DCC: variants seen among roughly 807,000 people sequenced by gnomAD.
The protein encoded by DCC is netrin receptor DCC.
DCC carries 58 observed loss-of-function variants against 172.5 expected under a neutral mutation model. That is an observed-to-expected ratio of 0.34 (90% CI 0.27 to 0.42). DCC has a LOEUF of 0.42. Among genes scored for constraint, DCC ranks in the 10% least tolerant of loss-of-function variants. The pLI is 1.00. For missense variants in DCC, 1,740 were observed against 1,791.0 expected, an observed-to-expected ratio of 0.97 and a Z score of 0.51; for synonymous variants, 709 against 644.5, an observed-to-expected ratio of 1.10 and a Z score of -1.52.
intron 12 of DCC, among the ~76,000 whole-genome samples, chr18:53,218,957 A>G (rs1034151589): frequency 1.3e-5 from 2 of 152,152 alleles, no homozygotes; most frequent in East Asian, 1.9e-4. Context: ...CTATGTTTCA[A>G]TCTAAAAGTT....
chr18:52,526,947 C>A (rs1256570668), intron 1 of DCC, among the ~76,000 whole-genome samples: 1 of 152,166 alleles, frequency 6.6e-6, no homozygotes, highest in Admixed American at 6.5e-5. Context: ...CTTCAGAATA[C>A]AATCTACAGG....
intron 3 of DCC, among the ~76,000 whole-genome samples, chr18:52,916,852 A>G (rs1211414932): frequency 6.6e-6 from 1 of 152,194 alleles, no homozygotes; most frequent in Non-Finnish European, 1.5e-5. Context: ...ATGTCAATGC[A>G]GAAAGTATTT....
At chr18:52,951,047 A>G (rs573229313) in intron 5 of DCC, among the ~76,000 whole-genome samples, 17 of 140,432 alleles carry the variant, frequency 1.2e-4, no homozygotes, top group Middle Eastern at 8.5e-3. Flanking sequence ...CCAGATTTTT[A>G]TTCCAAAGCA....
chr18:52,807,191 C>T (rs80352508), intron 2 of DCC, among the ~76,000 whole-genome samples: 4 of 152,004 alleles, frequency 2.6e-5, no homozygotes, highest in African/African-American at 9.7e-5. Flanking sequence ...GAGACTGTCT[C>T]AAAAAAATTC....
chr18:52,736,449 T>A (rs894634948), intron 1 of DCC, among the ~76,000 whole-genome samples: 19 of 152,054 alleles, frequency 1.2e-4, no homozygotes, highest in Non-Finnish European at 2.5e-4. Flanking sequence ...TATAAGTGAC[T>A]TTGATAATTA....
At chr18:52,990,652 C>G (rs1251804427) in intron 5 of DCC, among the ~76,000 whole-genome samples, 3 of 151,188 alleles carry the variant, frequency 2.0e-5, no homozygotes, top group Middle Eastern at 3.2e-3. Context: ...ACACAATTCT[C>G]TTACCCACAT....
intron 1 of DCC, among the ~76,000 whole-genome samples, chr18:52,727,355 T>C (rs920001203): frequency 3.9e-5 from 6 of 152,158 alleles, no homozygotes; most frequent in African/African-American, 1.2e-4. Context: ...GCTAATAAAT[T>C]AGAAAGTTTC....
chr18:52,854,600 T>G (rs2039023500), intron 2 of DCC, among the ~76,000 whole-genome samples: 1 of 152,250 alleles, frequency 6.6e-6, no homozygotes, highest in African/African-American at 2.4e-5. Context: ...ATAGTTGATT[T>G]ACTTGCTAGA....
At chr18:52,828,245 G>A (rs147941106) in intron 2 of DCC, among the ~76,000 whole-genome samples, 179 of 152,150 alleles carry the variant, frequency 1.2e-3, no homozygotes, top group African/African-American at 4.1e-3. Flanking sequence ...ATTGTTGTGG[G>A]AAACAAATAC....
chr18:53,057,163 A>G (rs945641055), intron 5 of DCC, among the ~76,000 whole-genome samples: 6 of 151,798 alleles, frequency 4.0e-5, no homozygotes, highest in African/African-American at 7.3e-5. Flanking sequence ...ATTATGCGAA[A>G]TAAAACCCAT....
At chr18:52,360,112 A>G (rs1000006237) in intron 1 of DCC, among the ~76,000 whole-genome samples, 1 of 152,162 alleles carries the variant, frequency 6.6e-6, no homozygotes, top group African/African-American at 2.4e-5. Context: ...AATTCTTGCA[A>G]TGTTGTTTTA....
At chr18:52,539,957 G>A (rs1427465637) in intron 1 of DCC, among the ~76,000 whole-genome samples, 1 of 152,106 alleles carries the variant, frequency 6.6e-6, no homozygotes, top group African/African-American at 2.4e-5. Flanking sequence ...GGGAAATCCT[G>A]CTAATTCCAG....
chr18:53,145,801 A>G (rs948138309), intron 7 of DCC, among the ~76,000 whole-genome samples: 1 of 152,214 alleles, frequency 6.6e-6, no homozygotes, highest in Non-Finnish European at 1.5e-5. Flanking sequence ...AGTAAAATAG[A>G]GAGATGGAAG....
At chr18:52,442,816 G>A (rs988955923) in intron 1 of DCC, among the ~76,000 whole-genome samples, 2 of 152,218 alleles carry the variant, frequency 1.3e-5, no homozygotes, top group African/African-American at 2.4e-5. Context: ...GCAGAGCTCC[G>A]CCATTACCTT....
intron 1 of DCC, among the ~76,000 whole-genome samples, chr18:52,371,061 T>G (rs1312509575): frequency 1.3e-5 from 2 of 152,204 alleles, no homozygotes; most frequent in Non-Finnish European, 2.9e-5. Context: ...GAGAACTCTT[T>G]GTCAGGGGAC....
chr18:52,572,666 C>T (rs2033326762), intron 1 of DCC, among the ~76,000 whole-genome samples: 1 of 152,164 alleles, frequency 6.6e-6, no homozygotes. Flanking sequence ...CTCTGCTTCA[C>T]CTCCCATTCT....
intron 1 of DCC, among the ~76,000 whole-genome samples, chr18:52,391,335 T>A (rs2144349787): frequency 6.6e-6 from 1 of 152,230 alleles, no homozygotes; most frequent in East Asian, 1.9e-4. Flanking sequence ...TCAGACTGTG[T>A]GTTTTTTAAG....
chr18:52,348,820 A>C (rs1044747422), intron 1 of DCC, among the ~76,000 whole-genome samples: 1 of 152,162 alleles, frequency 6.6e-6, no homozygotes. Flanking sequence ...TTTGAGTTGG[A>C]AAAGACATTC....
At chr18:53,276,990 A>G (rs1202522249) in intron 12 of DCC, among the ~76,000 whole-genome samples, 1 of 152,138 alleles carries the variant, frequency 6.6e-6, no homozygotes, top group African/African-American at 2.4e-5. Flanking sequence ...CAACAAAATC[A>G]GTATTAGGTA....
Sources: allele counts gnomAD v4.1 joint callset (sites outside exome capture counted in the v4.1 genomes callset), GRCh38; gene constraint gnomAD v4.1.1; transcripts MANE v1.5; gene names NCBI Gene and HGNC (gene_info 2026-07-23, HGNC 2026-07-21).